HS1BP3: variants seen among roughly 807,000 people sequenced by gnomAD.
HS1BP3 encodes HCLS1-binding protein 3.
In HS1BP3, 32 loss-of-function variants were observed where a neutral mutation model predicts 33.5. The observed-to-expected ratio is 0.95, with a 90% CI of 0.72 to 1.28. The LOEUF is 1.28. Ranked by LOEUF, HS1BP3 falls within the 50% of genes most tolerant of loss-of-function variation. The pLI is 0.00. For synonymous variants in HS1BP3, 187 were observed against 209.2 expected, an observed-to-expected ratio of 0.89 and a Z score of 0.92; for missense variants, 486 against 502.3, an observed-to-expected ratio of 0.97 and a Z score of 0.31.
intron 5 of HS1BP3, 89 bp from the exon 6 acceptor site, chr2:20,624,120 T>G: frequency 6.9e-7 from 1 of 1,455,658 alleles, no homozygotes; most frequent in South Asian, 1.2e-5. Flanking sequence ...CCAGGAAGTC[T>G]TCTGGGCAGT....
chr2:20,628,234 CAA>C (rs1694851540), intron 4 of HS1BP3, among the ~76,000 whole-genome samples: 1 of 152,132 alleles, frequency 6.6e-6, no homozygotes, highest in African/African-American at 2.4e-5. Flanking sequence ...GACGAGGGAA[CAA>C]AGATGAGGAC....
chr2:20,562,688 C>G (rs968522730), intron 5 of HS1BP3, among the ~76,000 whole-genome samples: 5 of 152,048 alleles, frequency 3.3e-5, no homozygotes, highest in Non-Finnish European at 7.4e-5. Context: ...TGTTGTGGGA[C>G]TGAGCCCTTA....
intron 2 of HS1BP3, among the ~76,000 whole-genome samples, chr2:20,602,013 C>T (rs975526317): frequency 6.6e-6 from 1 of 151,288 alleles, no homozygotes; most frequent in Non-Finnish European, 1.5e-5. Flanking sequence ...ACAGCAAGGA[C>T]AATTTTGTGT....
At chr2:20,583,432 C>T (rs575311019) in intron 5 of HS1BP3, among the ~76,000 whole-genome samples, 3 of 140,944 alleles carry the variant, frequency 2.1e-5, no homozygotes, top group East Asian at 1.9e-4. Context: ...CAGGGAGGGG[C>T]GCAGTTGGTT....
downstream of HS1BP3, among the ~76,000 whole-genome samples, chr2:20,588,927 A>G (rs1321719914): frequency 2.0e-5 from 3 of 152,180 alleles, no homozygotes; most frequent in African/African-American, 4.8e-5. Flanking sequence ...TGCCAGGTGG[A>G]GGAAGCCCAG....
At chr2:20,603,601 T>C (rs1231849236) in intron 2 of HS1BP3, among the ~76,000 whole-genome samples, 1 of 152,178 alleles carries the variant, frequency 6.6e-6, no homozygotes, top group African/African-American at 2.4e-5. Context: ...GAGATTGGGG[T>C]TTGATGGCTA....
chr2:20,598,031 C>T (rs551521079), intron 3 of HS1BP3, among the ~76,000 whole-genome samples: 2 of 152,292 alleles, frequency 1.3e-5, no homozygotes, highest in South Asian at 2.1e-4. Flanking sequence ...AGGTCCCCTA[C>T]TTCAGCGGTC....
chr2:20,607,950 A>G (rs1268687752), intron 2 of HS1BP3, among the ~76,000 whole-genome samples: 2 of 152,186 alleles, frequency 1.3e-5, no homozygotes, highest in African/African-American at 4.8e-5. Flanking sequence ...ATAGTTTTCA[A>G]TGTTCAAGTC....
chr2:20,649,227 C>T (rs1483101057), intron 1 of HS1BP3, among the ~76,000 whole-genome samples: 1 of 152,230 alleles, frequency 6.6e-6, no homozygotes, highest in African/African-American at 2.4e-5. Context: ...CTCTTCACCG[C>T]ATCACCTAAC....
At chr2:20,644,923 A>G (rs1160937749) in intron 2 of HS1BP3, among the ~76,000 whole-genome samples, 1 of 152,096 alleles carries the variant, frequency 6.6e-6, no homozygotes, top group Non-Finnish European at 1.5e-5. Flanking sequence ...TTCCCACTCA[A>G]TGTCCTATTT....
intron 4 of HS1BP3, among the ~76,000 whole-genome samples, chr2:20,625,875 C>T (rs2149292872): frequency 6.6e-6 from 1 of 152,320 alleles, no homozygotes; most frequent in African/African-American, 2.4e-5. Context: ...GTAAGTGATA[C>T]CGCCAGTAAG....
rs140266948 is a variant in HS1BP3, at chr2:20,611,700, G to A, written c.178+12196C>T. On this transcript the variant is annotated intron_variant, in intron 2 of 3. Coordinates refer to the HS1BP3 transcript ENST00000415264. The surrounding 1 kb of genome is among the most constrained non-coding windows in gnomAD (Gnocchi z 4.9). Reference sequence around the variant, plus strand: ...CCCCAGTCACATACCAGGGCCCCCTGGACACAGGGTCCCTCAATCCCAGGG... The same window carrying A: ...CCCCAGTCACATACCAGGGCCCCCTAGACACAGGGTCCCTCAATCCCAGGG... Among the ~76,000 whole-genome samples the A allele has an allele frequency of 7.0e-3, 1,071 of 152,264 alleles. 17 individuals are homozygous for A. Among genetic ancestry groups the A allele is most frequent in the African/African-American group, 0.024 (1,003 of 41,552 alleles).
intron 2 of HS1BP3, chr2:20,606,154 T>G (rs912400312): frequency 5.6e-6 from 1 of 179,768 alleles, no homozygotes; most frequent in African/African-American, 2.4e-5. Flanking sequence ...CTGAATAGAT[T>G]TAAGTGGGTA....
intron 2 of HS1BP3, among the ~76,000 whole-genome samples, chr2:20,608,129 G>GT (rs1287211758): frequency 2.0e-5 from 3 of 151,920 alleles, no homozygotes; most frequent in East Asian, 1.9e-4. Flanking sequence ...AGCTATAATA[G>GT]TTTTTTTGTA....
In HS1BP3 at chr2:20,623,988, G is replaced by C. The variant is rs781183862; in HGVS notation, c.828C>G (p.Pro276=). The change falls in exon 6 of 7, where the codon CCC becomes CCG. Residue 276 remains proline (P), a synonymous_variant. Transcript: ENST00000304031. ...FDDPDLGGAI[P]LGDSLLLPAA... is the part of the protein sequence containing the mutation. Reference sequence around the variant, plus strand: ...CTGGCAGCAGGAGGGAGTCACCCAGGGGGATGGCCCCGCCGAGGTCAGGAT... The same window carrying C: ...CTGGCAGCAGGAGGGAGTCACCCAGCGGGATGGCCCCGCCGAGGTCAGGAT... 6.2e-7 allele frequency: 1 copy of C among 1,612,326 alleles called. No individual in the cohort carries two copies. The highest frequency in any genetic ancestry group is 1.1e-5 in the South Asian group (1 of 91,012).
At chr2:20,598,342 A>G (rs1693990185) in intron 2 of HS1BP3, 2 of 285,110 alleles carry the variant, frequency 7.0e-6, no homozygotes. Flanking sequence ...GATCTCTTGA[A>G]TGAGCAAGGG....
At position 20,619,002 on chromosome 2, in the gene HS1BP3, G is replaced by C; in HGVS notation, c.1164C>G (p.Ala388=). 1 of 1,613,870 alleles carries C rather than the reference G, an allele frequency of 6.2e-7. No homozygotes were observed. Among genetic ancestry groups the C allele is most frequent in the South Asian group, 1.1e-5 (1 of 91,058 alleles). The part of the protein sequence containing the change: ...IQDHDTPAQA[A]PSLF Reference sequence around the variant, plus strand: ...CATGGAAGGGTCAGAAGAGGCTGGGGGCGGCCTGGGCTGGTGTATCGTGGT... The same window carrying C: ...CATGGAAGGGTCAGAAGAGGCTGGGCGCGGCCTGGGCTGGTGTATCGTGGT... The change falls in exon 7 of 7, where the codon GCC becomes GCG. Residue 388 remains alanine (A), a synonymous_variant. Transcript: ENST00000304031.
At position 20,618,809 on chromosome 2, in the gene HS1BP3, C is replaced by T. The variant is rs1021643380; in HGVS notation, c.*178G>A. The T allele has an allele frequency of 3.3e-4, 465 of 1,417,328 alleles. 1 individual carries two copies. Among genetic ancestry groups the T allele is most frequent in the Non-Finnish European group, 4.1e-4 (446 of 1,090,764 alleles). 87.8% of individuals were successfully genotyped at this position (1,417,328 alleles called of 1,614,324 possible). A position where few individuals can be genotyped will look rare whatever the true frequency, so the allele number is the denominator to read the frequency against. On this transcript the variant is annotated 3_prime_UTR_variant, in exon 7 of 7. Coordinates refer to ENST00000304031, the MANE Select transcript of HS1BP3 (RefSeq NM_022460.4). Reference sequence around the variant, plus strand: ...CGCTCCCGCAGCCCGCAGGCTTCTACTTTGGCCCCACAGCCCCGGAGAAAA... The same window carrying T: ...CGCTCCCGCAGCCCGCAGGCTTCTATTTTGGCCCCACAGCCCCGGAGAAAA...
chr2:20,624,785 G>A lies in HS1BP3; in HGVS notation c.731C>T (p.Pro244Leu), dbSNP rs142665868. Residue 244 changes from proline (P) to leucine (L), a missense_variant, in exon 5 of 7, where the codon CCG becomes CTG. By Grantham distance (98) the Pro-to-Leu change is moderately conservative (BLOSUM62 -3). Coordinates refer to ENST00000304031, the MANE Select transcript of HS1BP3 (RefSeq NM_022460.4). ...GTCCTGTGGAGACAGCTTCCTGCCC[G>A]GGCCAAAGAGCCCCTCATCAGGGTC... ...EVDPDEGLFG[P>L]GRKLSPQDPS... 93 of 1,612,950 alleles carry A rather than the reference G, an allele frequency of 5.8e-5. No homozygotes were observed. Among genetic ancestry groups the A allele is most frequent in the East Asian group, 1.8e-4 (8 of 44,834 alleles).
Sources: allele counts gnomAD v4.1 joint callset (sites outside exome capture counted in the v4.1 genomes callset), GRCh38; gene constraint gnomAD v4.1.1; non-coding constraint Gnocchi (gnomAD v3.1); transcripts MANE v1.5; gene names NCBI Gene and HGNC (gene_info 2026-07-23, HGNC 2026-07-21).